ZNF638: variants seen among roughly 807,000 people sequenced by gnomAD.
ZNF638 encodes CTCL tumor antigen se33-1.
Under a neutral mutation model 195.6 loss-of-function variants are expected in ZNF638, and 46 were observed. The observed-to-expected ratio is 0.24, with a 90% CI of 0.19 to 0.30. ZNF638 has a LOEUF of 0.30. Among genes scored for constraint, ZNF638 ranks in the 10% least tolerant of loss-of-function variants. ZNF638 has a pLI of 1.00. For missense variants in ZNF638, 2,440 were observed against 2,325.3 expected (o/e 1.05, Z -1.01); for synonymous variants, 845 against 772.0 (o/e 1.09, Z -1.57).
intron 1 of ZNF638, among the ~76,000 whole-genome samples, chr2:71,344,738 G>C (rs1388468564): frequency 2.0e-5 from 3 of 152,178 alleles, no homozygotes; most frequent in African/African-American, 7.2e-5. Context: ...TAGAAGTGCT[G>C]TTGGTGGGGC....
At position 71,349,507 on chromosome 2, in the gene ZNF638, C is replaced by G; in HGVS notation, c.553C>G (p.Arg185Gly). ...RDIRMRKMGR[R>G]LPNLPSQSRN... is the part of the protein sequence containing the mutation. ...TATAAGAATGCGAAAAATGGGGCGCCGATTACCTAATTTACCTTCTCAGAG... is the reference window on the plus strand; with the variant it reads ...TATAAGAATGCGAAAAATGGGGCGCGGATTACCTAATTTACCTTCTCAGAG... Residue 185 changes from arginine to glycine, a missense_variant, in exon 2 of 28, where the codon CGA (arginine) becomes GGA (glycine). By Grantham distance (125) the Arg-to-Gly change is moderately radical. Coordinates refer to ENST00000264447, the MANE Select transcript of ZNF638 (RefSeq NM_014497.5). The G allele has an allele frequency of 6.2e-7, 1 of 1,614,020 alleles. No individual in the cohort carries two copies. Among genetic ancestry groups the G allele is most frequent in the Non-Finnish European group, 8.5e-7 (1 of 1,179,994 alleles).
At chr2:71,394,510 G>GA (rs1478287865) in intron 10 of ZNF638, among the ~76,000 whole-genome samples, 1 of 152,140 alleles carries the variant, frequency 6.6e-6, no homozygotes, top group East Asian at 1.9e-4. Context: ...TGAGTGCAAG[G>GA]ACAGGCTTGC....
chr2:71,401,915 AAAGAAATTTTAATAAC>A lies in ZNF638; in HGVS notation c.2698-39_2698-24del, dbSNP rs765198679. On this transcript the variant is annotated intron_variant, in intron 15 of 27. Transcript: ENST00000264447. ...GTATAAACTTAAGTAAATATGAAAC[AAAGAAATTTTAATAAC>A]AGGTTTTAAAAATTTGTTTTGAAGG... 4.0e-6 allele frequency: 6 copies of A among 1,500,360 alleles called. No individual in the cohort carries two copies. In the African/African-American group the frequency reaches 8.4e-5, roughly 21 times the overall value. The allele number at this position is 1,500,360 out of a possible 1,614,324, so 92.9% of individuals were successfully genotyped here.
chr2:71,418,248 G>A (rs1449583484), intron 20 of ZNF638: 1 of 172,244 alleles, frequency 5.8e-6, no homozygotes, highest in Non-Finnish European at 1.2e-5. Flanking sequence ...ATCTCTCTTA[G>A]AAGTCTTTTA....
chr2:71,420,266 T>G (rs908438120), intron 21 of ZNF638, among the ~76,000 whole-genome samples: 1 of 152,032 alleles, frequency 6.6e-6, no homozygotes, highest in Non-Finnish European at 1.5e-5. Context: ...AATATGATAC[T>G]TTTGTTTATA....
intron 2 of ZNF638, among the ~76,000 whole-genome samples, chr2:71,350,759 G>C (rs931102564): frequency 2.0e-5 from 3 of 152,158 alleles, no homozygotes; most frequent in African/African-American, 7.2e-5. Context: ...ACTTTATGTA[G>C]ACTAGTGATT....
chr2:71,368,621 C>A, intron 7 of ZNF638, 93 bp downstream of exon 7: 2 of 1,296,326 alleles, frequency 1.5e-6, no homozygotes, highest in Non-Finnish European at 2.1e-6. Flanking sequence ...GCTTGTACTG[C>A]ATATATAATT....
At chr2:71,387,660 CTCAA>C (rs78476746) in intron 10 of ZNF638, among the ~76,000 whole-genome samples, 20 of 149,146 alleles carry the variant, frequency 1.3e-4, no homozygotes, top group East Asian at 2.0e-4. Flanking sequence ...GCAAGACTCT[CTCAA>C]AAAAAAAAAA....
rs1359754676 is a variant in ZNF638, at chr2:71,370,934, G to GT, written c.2265+938dup. On this transcript the variant is annotated intron_variant, in intron 8 of 27. Coordinates refer to ENST00000264447, the MANE Select transcript of ZNF638 (RefSeq NM_014497.5). ...GCTAATACTGGGTCTTACTCATTCT[G>GT]TTTTTTTTTGGTACCCATTAATTAT... Among the ~76,000 whole-genome samples, 81 of 150,210 alleles carry GT rather than the reference G, an allele frequency of 5.4e-4. 1 individual carries two copies. Among genetic ancestry groups the GT allele is most frequent in the Admixed American group, 1.7e-3 (26 of 15,060 alleles).
At chr2:71,370,975 CT>C (rs996051788) in intron 8 of ZNF638, among the ~76,000 whole-genome samples, 7 of 152,102 alleles carry the variant, frequency 4.6e-5, no homozygotes, top group Non-Finnish European at 7.4e-5. Context: ...CCTCTACCCC[CT>C]GTTACCCTTC....
At chr2:71,363,213 A>G in intron 4 of ZNF638, 22 bp downstream of exon 4, 1 of 1,521,250 alleles carries the variant, frequency 6.6e-7, no homozygotes. Context: ...AAATAGTAAT[A>G]TTATTAAAAC....
intron 10 of ZNF638, 164 bp from the exon 11 acceptor site, chr2:71,395,977 A>G (rs2079884869): frequency 4.6e-6 from 3 of 655,598 alleles, no homozygotes; most frequent in East Asian, 2.7e-5. Context: ...CATCAAGTCC[A>G]TATCTAAGAA....
intron 20 of ZNF638, among the ~76,000 whole-genome samples, chr2:71,417,999 G>A (rs2080339485): frequency 6.6e-6 from 1 of 152,166 alleles, no homozygotes; most frequent in African/African-American, 2.4e-5. Flanking sequence ...TGGCAGATAT[G>A]TTTTGCCATT....
At chr2:71,418,874 GTATA>G (rs2080361467) in intron 21 of ZNF638, among the ~76,000 whole-genome samples, 3 of 151,970 alleles carry the variant, frequency 2.0e-5, no homozygotes, top group Admixed American at 1.3e-4. Flanking sequence ...GAGTAACTGC[GTATA>G]TAAACAGTTT....
At chr2:71,350,583 G>A (rs965650984) in intron 2 of ZNF638, among the ~76,000 whole-genome samples, 2 of 152,150 alleles carry the variant, frequency 1.3e-5, no homozygotes. Context: ...ACAAGACAAT[G>A]TCACATGGAA....
chr2:71,373,326 A>C (rs2079351339), intron 8 of ZNF638, among the ~76,000 whole-genome samples: 1 of 150,792 alleles, frequency 6.6e-6, no homozygotes, highest in Admixed American at 6.6e-5. Context: ...AAAAATATTC[A>C]TTTGAAGGTG....
intron 10 of ZNF638, chr2:71,388,759 C>G (rs1298404478): frequency 9.9e-7 from 1 of 1,013,558 alleles, no homozygotes. Context: ...TATCCAAGTT[C>G]AGGGGAATTC....
intron 3 of ZNF638, among the ~76,000 whole-genome samples, chr2:71,361,155 G>A (rs1157537058): frequency 6.6e-6 from 1 of 152,142 alleles, no homozygotes; most frequent in Non-Finnish European, 1.5e-5. Context: ...TAGAGACAGG[G>A]TTGCCAAAGC....
Position 71,348,926 on chromosome 2 carries a change from T to A in ZNF638, c.-29T>A, listed in dbSNP as rs753787540. ...CATGGTTCAACACCACCTTATACTT[T>A]ATTAAATCAGGCTTTCTTGAAAATA... is the stretch of plus-strand genomic sequence containing the variant. On this transcript the variant is annotated 5_prime_UTR_variant, in exon 2 of 28. Transcript: ENST00000264447. The A allele has an allele frequency of 3.1e-6, 5 of 1,614,072 alleles. No homozygotes were observed. In the African/African-American group the frequency reaches 5.3e-5, roughly 17 times the overall value.
Sources: allele counts gnomAD v4.1 joint callset (sites outside exome capture counted in the v4.1 genomes callset), GRCh38; gene constraint gnomAD v4.1.1; transcripts MANE v1.5; gene names NCBI Gene and HGNC (gene_info 2026-07-23, HGNC 2026-07-21).